The following SCFD2 variants were observed in gnomAD, a reference collection of about 807,000 sequenced individuals.
SCFD2 encodes the protein sec1 family domain-containing protein 2.
A neutral mutation model predicts 58.9 loss-of-function variants in SCFD2; 54 were observed. The observed-to-expected ratio is 0.92, with a 90% CI of 0.74 to 1.15. SCFD2 has a LOEUF of 1.15. SCFD2 is among the 50% of genes most tolerant of loss of function. SCFD2 has a pLI of 0.00. For missense variants in SCFD2, 805 were observed against 836.6 expected (o/e 0.96, Z 0.47); for synonymous variants, 321 against 335.9 (o/e 0.96, Z 0.49).
chr4:53,052,947 C>T (rs1256671062), intron 5 of SCFD2, among the ~76,000 whole-genome samples: 1 of 152,030 alleles, frequency 6.6e-6, no homozygotes, highest in African/African-American at 2.4e-5. Context: ...ACAGGCCAGG[C>T]GCCATGGCTC....
chr4:53,026,233 T>C (rs969218936), intron 5 of SCFD2, among the ~76,000 whole-genome samples: 4 of 152,212 alleles, frequency 2.6e-5, no homozygotes, highest in Non-Finnish European at 4.4e-5. Flanking sequence ...AATATTCCCA[T>C]TGTAAAAGAC....
chr4:53,290,222 CACAGTATAGGTCT>C (rs1404862067), intron 3 of SCFD2, among the ~76,000 whole-genome samples: 8 of 151,934 alleles, frequency 5.3e-5, no homozygotes, highest in Non-Finnish European at 1.0e-4. Flanking sequence ...TATGTGAGGC[CACAGTATAGGTCT>C]TAACAAACTT....
intron 4 of SCFD2, among the ~76,000 whole-genome samples, chr4:53,183,203 G>A (rs930573917): frequency 4.6e-5 from 7 of 152,134 alleles, no homozygotes; most frequent in African/African-American, 9.7e-5. Context: ...ACACGCACAC[G>A]TATGTTTATA....
At chr4:53,247,867 C>CAAAAA (rs35585900) in intron 4 of SCFD2, among the ~76,000 whole-genome samples, 3 of 54,504 alleles carry the variant, frequency 5.5e-5, no homozygotes, top group Non-Finnish European at 7.3e-5. Flanking sequence ...GACTCCGTCT[C>CAAAAA]AAAAAAAAAA....
chr4:52,915,422 C>G (rs892606238), intron 6 of SCFD2, among the ~76,000 whole-genome samples: 16 of 152,214 alleles, frequency 1.1e-4, no homozygotes, highest in African/African-American at 3.9e-4. Flanking sequence ...CAACCCAAGA[C>G]AGCACAGAAA....
intron 5 of SCFD2, among the ~76,000 whole-genome samples, chr4:52,998,561 G>A (rs1278012028): frequency 1.3e-5 from 2 of 152,160 alleles, no homozygotes; most frequent in African/African-American, 4.8e-5. Context: ...TCTCAACTTT[G>A]CTAGTGCCAG....
At chr4:53,329,893 T>C (rs1427202640) in intron 2 of SCFD2, among the ~76,000 whole-genome samples, 1 of 151,848 alleles carries the variant, frequency 6.6e-6, no homozygotes. Flanking sequence ...TACAGAGAAG[T>C]GCTTAAAGGA....
intron 4 of SCFD2, among the ~76,000 whole-genome samples, chr4:53,255,987 T>C (rs1325252139): frequency 7.1e-6 from 1 of 141,054 alleles, no homozygotes; most frequent in African/African-American, 2.6e-5. Context: ...CCCACCTCCC[T>C]CCCAGACGGG....
intron 4 of SCFD2, among the ~76,000 whole-genome samples, chr4:53,154,285 T>C (rs1290828211): frequency 1.3e-5 from 2 of 152,216 alleles, no homozygotes; most frequent in Non-Finnish European, 2.9e-5. Flanking sequence ...TCTGCTCAGC[T>C]TCTGGTAAGG....
chr4:53,048,227 T>C (rs562090056), intron 5 of SCFD2, among the ~76,000 whole-genome samples: 17 of 152,278 alleles, frequency 1.1e-4, no homozygotes, highest in African/African-American at 3.9e-4. Context: ...GGTGTGTGCC[T>C]GTAGTCCCAG....
chr4:53,327,570 TG>T (rs1733247254), intron 2 of SCFD2, among the ~76,000 whole-genome samples: 1 of 152,034 alleles, frequency 6.6e-6, no homozygotes, highest in African/African-American at 2.4e-5. Context: ...ATGCAGAGCA[TG>T]GGGCAGGATG....
At chr4:53,280,999 T>C (rs1560426534) in intron 3 of SCFD2, among the ~76,000 whole-genome samples, 4 of 152,168 alleles carry the variant, frequency 2.6e-5, no homozygotes. Flanking sequence ...AGGAATTGAG[T>C]ACCCTATGAA....
intron 4 of SCFD2, among the ~76,000 whole-genome samples, chr4:53,258,267 A>G (rs1163522377): frequency 2.0e-5 from 3 of 152,058 alleles, no homozygotes; most frequent in Non-Finnish European, 4.4e-5. Context: ...TTGTGTACCC[A>G]TCACCCAAGC....
At chr4:53,098,294 C>A (rs931783879) in intron 5 of SCFD2, among the ~76,000 whole-genome samples, 1 of 152,154 alleles carries the variant, frequency 6.6e-6, no homozygotes, top group African/African-American at 2.4e-5. Context: ...AGGAATGGTA[C>A]CAGCTCCTCC....
intron 3 of SCFD2, among the ~76,000 whole-genome samples, chr4:53,276,171 A>C (rs1731321092): frequency 6.6e-6 from 1 of 151,078 alleles, no homozygotes; most frequent in African/African-American, 2.4e-5. Context: ...TATCAAACAT[A>C]TCAGAAAGCA....
chr4:53,359,235 A>T (rs1312614587), intron 1 of SCFD2, among the ~76,000 whole-genome samples: 3 of 152,218 alleles, frequency 2.0e-5, no homozygotes, highest in Non-Finnish European at 4.4e-5. Flanking sequence ...TGCCAATTTC[A>T]CATCTAAGAA....
chr4:52,928,726 A>G (rs1719919789), intron 5 of SCFD2, among the ~76,000 whole-genome samples: 2 of 152,088 alleles, frequency 1.3e-5, no homozygotes, highest in South Asian at 4.1e-4. Context: ...GTTATTGCTC[A>G]AATGACAAAG....
chr4:53,224,681 C>G (rs1353455643), intron 4 of SCFD2, among the ~76,000 whole-genome samples: 4 of 152,176 alleles, frequency 2.6e-5, no homozygotes, highest in Non-Finnish European at 5.9e-5. Context: ...TGAATTCCTC[C>G]CCCACAAACT....
chr4:53,268,880 T>C (rs1225605927), intron 4 of SCFD2, among the ~76,000 whole-genome samples: 2 of 152,040 alleles, frequency 1.3e-5, no homozygotes. Context: ...AGCAACTCTA[T>C]TGGAAGATTA....
Sources: gnomAD v4.1 joint callset for allele counts (sites outside exome capture counted in the v4.1 genomes callset) on GRCh38, gnomAD v4.1.1 for gene constraint, MANE v1.5 for transcripts, NCBI Gene and HGNC (gene_info 2026-07-23, HGNC 2026-07-21) for gene names.